The following GPR158 variants were observed in gnomAD, a reference collection of about 807,000 sequenced individuals.
GPR158 encodes the protein G protein-coupled receptor 158.
In GPR158, 30 loss-of-function variants were observed where a neutral mutation model predicts 78.2. The observed-to-expected ratio is 0.38, with a 90% CI of 0.29 to 0.52. The LOEUF (loss-of-function observed/expected upper bound fraction) is 0.52, where lower values mean the gene tolerates loss of function less well. GPR158 is among the 20% of genes least tolerant of loss of function. The pLI is 0.83. For missense variants in GPR158, 1,463 were observed against 1,523.5 expected, an observed-to-expected ratio of 0.96 and a Z score of 0.66; for synonymous variants, 581 against 591.1, an observed-to-expected ratio of 0.98 and a Z score of 0.25.
At chr10:25,578,892 C>T (rs1369932983) in intron 7 of GPR158, among the ~76,000 whole-genome samples, 1 of 151,962 alleles carries the variant, frequency 6.6e-6, no homozygotes, top group Non-Finnish European at 1.5e-5. Flanking sequence ...GCCTGTAATC[C>T]CAGCTACTCA....
chr10:25,500,762 C>T (rs1835939161), intron 5 of GPR158, among the ~76,000 whole-genome samples: 1 of 152,152 alleles, frequency 6.6e-6, no homozygotes, highest in Non-Finnish European at 1.5e-5. Flanking sequence ...GATAAATGAA[C>T]AGCATTTACA....
chr10:25,364,044 A>C (rs1227499203), intron 2 of GPR158, among the ~76,000 whole-genome samples: 1 of 151,950 alleles, frequency 6.6e-6, no homozygotes, highest in African/African-American at 2.4e-5. Flanking sequence ...CCTAGCGTAT[A>C]ATAAGCACCA....
At chr10:25,273,839 C>G (rs1854149077) in intron 2 of GPR158, among the ~76,000 whole-genome samples, 4 of 151,696 alleles carry the variant, frequency 2.6e-5, no homozygotes, top group Admixed American at 2.6e-4. Context: ...GCCACCACAC[C>G]CGGCTAATTT....
chr10:25,372,022 C>T (rs1834001169), intron 2 of GPR158, among the ~76,000 whole-genome samples: 1 of 151,810 alleles, frequency 6.6e-6, no homozygotes, highest in Non-Finnish European at 1.5e-5. Flanking sequence ...CAAAAACAAA[C>T]AACCCCGTCA....
intron 6 of GPR158, among the ~76,000 whole-genome samples, chr10:25,554,932 A>G (rs117712295): frequency 0.015 from 2,300 of 152,066 alleles, 27 homozygotes; most frequent in Admixed American, 0.021. Flanking sequence ...CAGGCAGACC[A>G]CTCACATAGC....
chr10:25,508,711 C>T (rs1836045990), intron 5 of GPR158, among the ~76,000 whole-genome samples: 1 of 152,116 alleles, frequency 6.6e-6, no homozygotes, highest in South Asian at 2.1e-4. Context: ...AATTGGGAAA[C>T]TCCTGGTTCA....
chr10:25,440,499 T>C (rs148337809), intron 4 of GPR158, among the ~76,000 whole-genome samples: 15 of 152,316 alleles, frequency 9.8e-5, no homozygotes, highest in African/African-American at 3.4e-4. Context: ...GAAATACATC[T>C]GACAGGGAGA....
rs1224217090 is a variant in GPR158 at position 25,300,828 on chromosome 10, GGAGGGAGTGGGAAAGA to G, written c.1008+79679_1008+79694del. Among the ~76,000 whole-genome samples the G allele has an allele frequency of 3.3e-5, 5 of 152,188 alleles. No individual in the cohort carries two copies. The East Asian group carries it at 9.7e-4, about 29-fold the overall frequency. ...TAGAAACATGGAAATAAAGGGAGAA[GGAGGGAGTGGGAAAGA>G]GAGGGAGAGAGAAACCTTATTAGAC... On this transcript the variant is annotated intron_variant, in intron 2 of 10. Transcript: ENST00000376351.
chr10:25,273,787 T>G (rs1287659026), intron 2 of GPR158, among the ~76,000 whole-genome samples: 1 of 151,904 alleles, frequency 6.6e-6, no homozygotes, highest in African/African-American at 2.4e-5. Flanking sequence ...TCAAGCAATC[T>G]TCCCACCTCA....
At chr10:25,456,053 G>T (rs1274486440) in intron 4 of GPR158, among the ~76,000 whole-genome samples, 1 of 152,168 alleles carries the variant, frequency 6.6e-6, no homozygotes. Context: ...CATCATCTTT[G>T]CATCTAAATA....
chr10:25,311,009 A>T (rs1854756718), intron 2 of GPR158, among the ~76,000 whole-genome samples: 1 of 151,998 alleles, frequency 6.6e-6, no homozygotes, highest in African/African-American at 2.4e-5. Context: ...TTTATCATTT[A>T]CTGAAATTCT....
At chr10:25,585,562 A>G (rs1226962450) in intron 7 of GPR158, among the ~76,000 whole-genome samples, 2 of 152,232 alleles carry the variant, frequency 1.3e-5, no homozygotes, top group Admixed American at 1.3e-4. Context: ...AGGCTTTGTG[A>G]TAGAAATAGG....
intron 2 of GPR158, among the ~76,000 whole-genome samples, chr10:25,338,806 G>C (rs1855263462): frequency 6.6e-6 from 1 of 150,686 alleles, no homozygotes; most frequent in South Asian, 2.1e-4. Flanking sequence ...CCAGAAATAA[G>C]CCTGCTGGAA....
chr10:25,500,928 C>T (rs189662977), intron 5 of GPR158, among the ~76,000 whole-genome samples: 2 of 152,140 alleles, frequency 1.3e-5, no homozygotes, highest in African/African-American at 2.4e-5. Context: ...TTGGAGGTCT[C>T]CAGCTATGTT....
At chr10:25,565,468 A>C (rs1315789791) in intron 6 of GPR158, among the ~76,000 whole-genome samples, 4 of 152,054 alleles carry the variant, frequency 2.6e-5, no homozygotes, top group African/African-American at 9.7e-5. Context: ...AAGAGCATAT[A>C]GGAAAGTAGA....
chr10:25,351,736 CT>C (rs1260510019), intron 2 of GPR158, among the ~76,000 whole-genome samples: 1 of 125,866 alleles, frequency 7.9e-6, no homozygotes, highest in Non-Finnish European at 1.7e-5. Flanking sequence ...AATGTTTTTT[CT>C]TTTCTCCAAC....
At chr10:25,253,150 C>T (rs1188365084) in intron 2 of GPR158, among the ~76,000 whole-genome samples, 1 of 152,236 alleles carries the variant, frequency 6.6e-6, no homozygotes, top group Admixed American at 6.5e-5. Context: ...CCAGGTGAGG[C>T]AATGCCTCGC....
At chr10:25,402,350 G>C (rs76185467) in intron 3 of GPR158, among the ~76,000 whole-genome samples, 9,493 of 152,108 alleles carry the variant, frequency 0.062, 394 homozygotes, top group South Asian at 0.18. Context: ...TTCAATGCAT[G>C]ATCCTAGATT....
chr10:25,402,839 A>G (rs1437008175), intron 3 of GPR158, among the ~76,000 whole-genome samples: 2 of 151,968 alleles, frequency 1.3e-5, no homozygotes, highest in African/African-American at 4.8e-5. Flanking sequence ...TGGGTTAATT[A>G]GATATTTGTG....
Sources: gnomAD v4.1 joint callset for allele counts (sites outside exome capture counted in the v4.1 genomes callset) on GRCh38, gnomAD v4.1.1 for gene constraint, MANE v1.5 for transcripts, NCBI Gene and HGNC (gene_info 2026-07-23, HGNC 2026-07-21) for gene names.